Variants in ICE1 observed in about 807,000 individuals in gnomAD.
The protein encoded by ICE1 is little elongation complex subunit 1.
ICE1 carries 64 observed loss-of-function variants against 192.7 expected under a neutral mutation model. The ratio of observed to expected loss-of-function variants is 0.33; its 90% CI spans 0.27 to 0.41. The LOEUF is 0.41. ICE1 is among the 10% of genes least tolerant of loss of function. ICE1 has a pLI of 1.00. For missense variants in ICE1, 2,708 were observed against 2,696.0 expected (o/e 1.00, Z -0.10); for synonymous variants, 1,010 against 984.5 (o/e 1.03, Z -0.49).
intron 7 of ICE1, among the ~76,000 whole-genome samples, chr5:5,446,107 T>G (rs1238308674): frequency 6.6e-6 from 1 of 152,022 alleles, no homozygotes; most frequent in Admixed American, 6.6e-5. Context: ...AACTCTGCCT[T>G]CAGGTGATCC....
At chr5:5,480,249 C>CTTT (rs574170460) in intron 17 of ICE1, among the ~76,000 whole-genome samples, 23 of 129,880 alleles carry the variant, frequency 1.8e-4, no homozygotes, top group East Asian at 1.1e-3. Flanking sequence ...TTTTCTTTTT[C>CTTT]TTTTTTTTTT....
At chr5:5,424,885 G>C (rs534310433) in intron 1 of ICE1, among the ~76,000 whole-genome samples, 1 of 152,324 alleles carries the variant, frequency 6.6e-6, no homozygotes, top group South Asian at 2.1e-4. Context: ...CTGGGAGTCA[G>C]GAAGGTAGGA....
intron 14 of ICE1, 36 bp downstream of exon 14, chr5:5,466,538 A>G: frequency 1.9e-6 from 3 of 1,549,732 alleles, no homozygotes; most frequent in Non-Finnish European, 2.6e-6. Flanking sequence ...TATTGAAAAT[A>G]TACGATTGCC....
intron 17 of ICE1, among the ~76,000 whole-genome samples, chr5:5,482,241 T>C (rs951770165): frequency 6.6e-6 from 1 of 152,190 alleles, no homozygotes; most frequent in African/African-American, 2.4e-5. Context: ...AAATAATTTA[T>C]GACTATTTAA....
Position 5,463,367 on chromosome 5 carries a change from A to G in ICE1, c.4033A>G (p.Arg1345Gly), listed in dbSNP as rs1473065608. ...GCCTCAGAATGAAAACCCTCAGAGCAGACCAGAGGCCCGTTCAGATGCAGG... is the reference window on the plus strand; with the variant it reads ...GCCTCAGAATGAAAACCCTCAGAGCGGACCAGAGGCCCGTTCAGATGCAGG... Reference protein sequence around the residue: ...GMPQNENPQSRPEARSDAGRQ... With the variant: ...GMPQNENPQSGPEARSDAGRQ... The change falls in exon 13 of 19, where the codon AGA becomes GGA. Residue 1345 changes from arginine to glycine, a missense_variant. Arg to Gly is a moderately radical substitution (Grantham distance 125). Coordinates refer to ENST00000296564, the MANE Select transcript of ICE1 (RefSeq NM_015325.3). The G allele has an allele frequency of 6.2e-7, 1 of 1,613,860 alleles. No homozygotes were observed. Among genetic ancestry groups the G allele is most frequent in the African/African-American group, 1.3e-5 (1 of 75,016 alleles).
At chr5:5,439,276 A>T (rs577482579) in intron 3 of ICE1, among the ~76,000 whole-genome samples, 1 of 152,288 alleles carries the variant, frequency 6.6e-6, no homozygotes, top group South Asian at 2.1e-4. Context: ...GAGGATGCAC[A>T]CGTTTTTATG....
intron 3 of ICE1, among the ~76,000 whole-genome samples, chr5:5,439,498 C>T (rs1013343171): frequency 6.6e-6 from 1 of 152,058 alleles, no homozygotes; most frequent in Non-Finnish European, 1.5e-5. Context: ...TTTGTAAGTA[C>T]ATAACTTTTG....
At chr5:5,435,327 A>G (rs555491656) in intron 1 of ICE1, among the ~76,000 whole-genome samples, 51 of 147,922 alleles carry the variant, frequency 3.4e-4, no homozygotes, top group African/African-American at 1.3e-3. Context: ...AAAGGCAGAC[A>G]TTATCATAAA....
chr5:5,457,397 C>G lies in ICE1; in HGVS notation c.757C>G (p.Gln253Glu). ...PGEDGTLPPTQGSPLRTSNVQ... is the reference protein window; with the variant it reads ...PGEDGTLPPTEGSPLRTSNVQ... The stretch of plus-strand genomic sequence containing the variant: ...GGAAGATGGTACGCTACCTCCAACA[C>G]AGGGCAGCCCTCTCAGGACCTCAAA... The change falls in exon 12 of 19, where the codon CAG becomes GAG. Residue 253 changes from glutamine to glutamate, a missense_variant. Around this residue, in one of 2 missense-constraint regions of ICE1, gnomAD observed 2,366 missense variants for 2,276.6 expected, o/e 1.04. Coordinates refer to ENST00000296564, the MANE Select transcript of ICE1 (RefSeq NM_015325.3). The G allele has an allele frequency of 6.2e-7, 1 of 1,613,672 alleles. No homozygotes were observed. The highest frequency in any genetic ancestry group is 8.5e-7 in the Non-Finnish European group (1 of 1,179,776).
At position 5,454,586 on chromosome 5, in the gene ICE1, C is replaced by G. The variant is rs768350450; in HGVS notation, c.639C>G (p.Leu213=). The change falls in exon 11 of 19, where the codon CTC becomes CTG. Residue 213 remains leucine (L), a synonymous_variant. Coordinates refer to ENST00000296564, the MANE Select transcript of ICE1 (RefSeq NM_015325.3). ...AACTGCTTCTGAAGGAACTCTGGCTCTGTGTAAACACAACACACAGACTAC... is the reference window on the plus strand; with the variant it reads ...AACTGCTTCTGAAGGAACTCTGGCTGTGTGTAAACACAACACACAGACTAC... The part of the protein sequence containing the change: ...KVKLLLKELW[L]CVNTTHRLPG... 6.1e-5 allele frequency: 99 copies of G among 1,613,484 alleles called. No individual in the cohort carries two copies. The highest frequency in any genetic ancestry group is 8.0e-5 in the Non-Finnish European group (94 of 1,179,692).
chr5:5,458,523 G>C (rs924907243), intron 12 of ICE1, among the ~76,000 whole-genome samples: 1 of 152,170 alleles, frequency 6.6e-6, no homozygotes, highest in Admixed American at 6.5e-5. Context: ...GGCAGGTTGC[G>C]GGGCAGGCAG....
At chr5:5,446,619 A>G (rs1415950619) in intron 7 of ICE1, among the ~76,000 whole-genome samples, 1 of 152,160 alleles carries the variant, frequency 6.6e-6, no homozygotes, top group Non-Finnish European at 1.5e-5. Flanking sequence ...CAGTGAGACT[A>G]TATATACAGG....
At chr5:5,465,546 A>G (rs1434213196) in intron 13 of ICE1, among the ~76,000 whole-genome samples, 1 of 152,214 alleles carries the variant, frequency 6.6e-6, no homozygotes, top group Non-Finnish European at 1.5e-5. Context: ...AAAGCTTCAA[A>G]TTATCACATA....
At chr5:5,425,517 T>C (rs1737494752) in intron 1 of ICE1, among the ~76,000 whole-genome samples, 1 of 152,236 alleles carries the variant, frequency 6.6e-6, no homozygotes, top group African/African-American at 2.4e-5. Context: ...CTATTGCATT[T>C]GGATTTTCTG....
intron 17 of ICE1, among the ~76,000 whole-genome samples, chr5:5,479,941 T>TG (rs1208821349): frequency 1.3e-5 from 2 of 149,594 alleles, no homozygotes; most frequent in African/African-American, 2.5e-5. Flanking sequence ...TGTCGGGGCA[T>TG]GGGGGGTAAG....
chr5:5,456,324 A>G (rs935659936), intron 11 of ICE1, among the ~76,000 whole-genome samples: 16 of 152,222 alleles, frequency 1.1e-4, no homozygotes, highest in African/African-American at 3.9e-4. Context: ...ATTTTGGCCT[A>G]CAGCAGTAGA....
Position 5,463,218 on chromosome 5 carries a change from C to T in ICE1, c.3884C>T (p.Thr1295Ile), listed in dbSNP as rs751298665. 1 of 1,611,506 alleles carries T rather than the reference C, an allele frequency of 6.2e-7. No individual in the cohort carries two copies. Among genetic ancestry groups the T allele is most frequent in the East Asian group, 2.2e-5 (1 of 44,852 alleles). ...CTCTTAAATGTAAATAACAACATGACCACTGAGAATTTAAAAGAGAAAAGT... is the reference window on the plus strand; with the variant it reads ...CTCTTAAATGTAAATAACAACATGATCACTGAGAATTTAAAAGAGAAAAGT... ...LLLLNVNNNM[T>I]TENLKEKSPF... Residue 1295 changes from threonine to isoleucine, a missense_variant, in exon 13 of 19, where the codon ACC (threonine) becomes ATC (isoleucine). Coordinates refer to ENST00000296564, the MANE Select transcript of ICE1 (RefSeq NM_015325.3).
At position 5,437,118 on chromosome 5, in the gene ICE1, T is replaced by G; in HGVS notation, c.178+4T>G. The stretch of plus-strand genomic sequence containing the variant: ...GAATATCAGAAGAAATGTGATGATA[T>G]CCTTTTACTGGCTTTTTCTGTTGAG... On this transcript the variant is annotated splice_donor_region_variant and intron_variant, in intron 3 of 18. Coordinates refer to ENST00000296564, the MANE Select transcript of ICE1 (RefSeq NM_015325.3). 1 of 1,534,792 alleles carries G rather than the reference T, an allele frequency of 6.5e-7. No homozygotes were observed. The highest frequency in any genetic ancestry group is 1.2e-5 in the South Asian group (1 of 84,578).
Position 5,457,738 on chromosome 5 carries a change from A to C in ICE1, c.1098A>C (p.Ala366=). The part of the protein sequence containing the change: ...PHPGSLPSSF[A]PETYFGEYTD... ...CGGGTTCCTTACCGTCTTCATTTGC[A>C]CCTGTGAGTTTTGCTCTCTGAATTT... Residue 366 remains alanine, a synonymous_variant, in exon 12 of 19, where the codon GCA becomes GCC. Coordinates refer to ENST00000296564, the MANE Select transcript of ICE1 (RefSeq NM_015325.3). The C allele has an allele frequency of 6.2e-7, 1 of 1,608,612 alleles. No homozygotes were observed. Among genetic ancestry groups the C allele is most frequent in the South Asian group, 1.1e-5 (1 of 90,812 alleles).
Sources: gnomAD v4.1 joint callset for allele counts (sites outside exome capture counted in the v4.1 genomes callset) on GRCh38, gnomAD v4.1.1 for gene constraint, gnomAD v4.1.1 regional missense constraint, MANE v1.5 for transcripts, NCBI Gene and HGNC (gene_info 2026-07-23, HGNC 2026-07-21) for gene names.